The following SNCAIP variants were observed in gnomAD, a reference collection of about 807,000 sequenced individuals.
The protein encoded by SNCAIP is synuclein alpha interacting protein, also known as synphilin-1.
In SNCAIP, 43 loss-of-function variants were observed where a neutral mutation model predicts 86.7. That is an observed-to-expected ratio of 0.50 (90% CI 0.39 to 0.64). SNCAIP has a LOEUF of 0.64. Among genes scored for constraint, SNCAIP ranks in the 30% least tolerant of loss-of-function variants. The pLI is 0.00. For missense variants in SNCAIP, 981 were observed against 1,103.1 expected (o/e 0.89, Z 1.57); for synonymous variants, 417 against 427.2 (o/e 0.98, Z 0.29).
chr5:122,429,983 C>T (rs949212756), intron 5 of SNCAIP, among the ~76,000 whole-genome samples: 1 of 152,180 alleles, frequency 6.6e-6, no homozygotes, highest in Non-Finnish European at 1.5e-5. Flanking sequence ...CTGTCACCAT[C>T]AGCCAGATCC....
chr5:122,435,477 C>T (rs1425354799), intron 6 of SNCAIP, among the ~76,000 whole-genome samples: 1 of 152,140 alleles, frequency 6.6e-6, no homozygotes, highest in Non-Finnish European at 1.5e-5. Context: ...GTCCAGTGGG[C>T]TCTATGTTAC....
intron 10 of SNCAIP, among the ~76,000 whole-genome samples, chr5:122,452,124 G>T (rs1783823022): frequency 2.0e-5 from 3 of 152,170 alleles, no homozygotes; most frequent in Admixed American, 2.0e-4. Context: ...CTCCACATAG[G>T]TATTTTACAA....
chr5:122,337,405 T>G (rs1234994245), intron 1 of SNCAIP, among the ~76,000 whole-genome samples: 1 of 152,238 alleles, frequency 6.6e-6, no homozygotes, highest in Non-Finnish European at 1.5e-5. Context: ...TTAGAATGCC[T>G]GAATGATGTG....
chr5:122,444,232 G>C (rs886364518), intron 7 of SNCAIP: 22 of 485,844 alleles, frequency 4.5e-5, no homozygotes, highest in Non-Finnish European at 8.1e-5. Context: ...AGGCATCTCT[G>C]ACTATGAGTG....
intron 1 of SNCAIP, among the ~76,000 whole-genome samples, chr5:122,359,263 T>G (rs1416508297): frequency 6.6e-6 from 1 of 151,754 alleles, no homozygotes; most frequent in Admixed American, 6.6e-5. Flanking sequence ...ATTAAAACAA[T>G]GAAAATAATG....
chr5:122,450,985 G>A lies in SNCAIP; in HGVS notation c.2138G>A (p.Ser713Asn), dbSNP rs766354094. 3 of 1,614,154 alleles carry A rather than the reference G, an allele frequency of 1.9e-6. No individual in the cohort carries two copies. The highest frequency in any genetic ancestry group is 2.5e-6 in the Non-Finnish European group (3 of 1,180,022). The change falls in exon 10 of 11, where the codon AGC (serine) becomes AAC (asparagine). Residue 713 changes from serine (S) to asparagine (N), a missense_variant. Ser to Asn is a conservative substitution (Grantham distance 46). Transcript: ENST00000261368. ...PIVESVESMD[S>N]AESLHLMIKK... Reference sequence around the variant, plus strand: ...GTAGAAAGCGTAGAGAGTATGGACAGCGCAGAAAGCCTGCACCTGATGATT... The same window carrying A: ...GTAGAAAGCGTAGAGAGTATGGACAACGCAGAAAGCCTGCACCTGATGATT...
At chr5:122,325,310 A>G (rs1309336161) in intron 1 of SNCAIP, among the ~76,000 whole-genome samples, 7 of 152,056 alleles carry the variant, frequency 4.6e-5, no homozygotes, top group Non-Finnish European at 1.0e-4. Flanking sequence ...AAGATTAACA[A>G]ACAGGTAGGG....
At chr5:122,424,129 T>A (rs1463624301) in intron 4 of SNCAIP, among the ~76,000 whole-genome samples, 1 of 152,208 alleles carries the variant, frequency 6.6e-6, no homozygotes, top group Admixed American at 6.5e-5. Flanking sequence ...CTGCCAGACA[T>A]GTAAACAGAG....
At position 122,425,339 on chromosome 5, in the gene SNCAIP, A is replaced by T. The variant is rs771690945; in HGVS notation, c.1003-13A>T. The T allele has an allele frequency of 6.2e-7, 1 of 1,607,898 alleles. No homozygotes were observed. The highest frequency in any genetic ancestry group is 1.7e-5 in the Admixed American group (1 of 60,010). ...TTATTGACTTGGGTTTTCTAATCTT[A>T]CTATTTATACAGCCACACCTAGCTG... On this transcript the variant is annotated splice_polypyrimidine_tract_variant and intron_variant, in intron 4 of 10. Transcript: ENST00000261368.
chr5:122,435,541 T>C (rs1038240847), intron 6 of SNCAIP, among the ~76,000 whole-genome samples: 2 of 152,200 alleles, frequency 1.3e-5, no homozygotes, highest in Non-Finnish European at 2.9e-5. Flanking sequence ...ATGTGACTTT[T>C]AGTCATGAGA....
chr5:122,338,994 G>A (rs565251652), intron 1 of SNCAIP, among the ~76,000 whole-genome samples: 4 of 152,234 alleles, frequency 2.6e-5, no homozygotes, highest in Admixed American at 6.5e-5. Flanking sequence ...TCTGCTTCTA[G>A]GCCAGGGATT....
intron 1 of SNCAIP, among the ~76,000 whole-genome samples, chr5:122,385,640 G>A (rs1767952266): frequency 6.6e-6 from 1 of 151,522 alleles, no homozygotes; most frequent in South Asian, 2.1e-4. Flanking sequence ...ATTTTTCCCA[G>A]TACAAATTTG....
At chr5:122,431,899 C>G (rs1229220691) in intron 5 of SNCAIP, 70 bp from the exon 6 acceptor site, 1 of 776,660 alleles carries the variant, frequency 1.3e-6, no homozygotes, top group African/African-American at 1.7e-5. Context: ...GGTGAAATTA[C>G]CATCTTTAAT....
chr5:122,361,506 G>C (rs1329611064), intron 1 of SNCAIP, among the ~76,000 whole-genome samples: 1 of 152,162 alleles, frequency 6.6e-6, no homozygotes, highest in Non-Finnish European at 1.5e-5. Context: ...TTGATTTAAT[G>C]AATACAAAGA....
At chr5:122,364,808 TA>T (rs1362698319) in intron 1 of SNCAIP, among the ~76,000 whole-genome samples, 1 of 152,190 alleles carries the variant, frequency 6.6e-6, no homozygotes, top group Non-Finnish European at 1.5e-5. Context: ...TCTCCCCACC[TA>T]TGCCATTAGA....
In SNCAIP at chr5:122,321,130, A is replaced by G. The variant is rs185044289; in HGVS notation, c.-47+8846A>G. The stretch of plus-strand genomic sequence containing the variant: ...ATGGGAGCCATGCAGGCAATTTCAT[A>G]TTTTATAGCAGGCGCGCTTAAAAAA... On this transcript the variant is annotated intron_variant, in intron 1 of 10. Transcript: ENST00000261368. Among the ~76,000 whole-genome samples the G allele has an allele frequency of 1.4e-3, 206 of 152,300 alleles. 4 individuals carry two copies. The highest frequency in any genetic ancestry group is 6.5e-4 in the Admixed American group (10 of 15,298).
chr5:122,398,555 G>A (rs1014362261), intron 2 of SNCAIP, among the ~76,000 whole-genome samples: 2 of 152,120 alleles, frequency 1.3e-5, no homozygotes, highest in African/African-American at 2.4e-5. Context: ...TTTATTGTGT[G>A]CCTGTTGAGA....
intron 5 of SNCAIP, among the ~76,000 whole-genome samples, chr5:122,430,707 G>A (rs1166554002): frequency 1.3e-5 from 2 of 151,912 alleles, no homozygotes; most frequent in Non-Finnish European, 2.9e-5. Flanking sequence ...TGCTTTTTGA[G>A]AGAAGTTTAA....
intron 1 of SNCAIP, among the ~76,000 whole-genome samples, chr5:122,360,705 T>G (rs1195946488): frequency 6.6e-6 from 1 of 152,212 alleles, no homozygotes; most frequent in Non-Finnish European, 1.5e-5. Flanking sequence ...AAAGTAGTAC[T>G]GTCTGTTTAG....
Sources: allele counts gnomAD v4.1 joint callset (sites outside exome capture counted in the v4.1 genomes callset), GRCh38; gene constraint gnomAD v4.1.1; transcripts MANE v1.5; gene names NCBI Gene and HGNC (gene_info 2026-07-23, HGNC 2026-07-21).